The following MRPS25 variants were observed in gnomAD, a reference collection of about 807,000 sequenced individuals.
MRPS25 encodes the protein mitochondrial ribosomal protein S25.
A neutral mutation model predicts 17.3 loss-of-function variants in MRPS25; 15 were observed. The observed-to-expected ratio is 0.87, with a 90% CI of 0.58 to 1.34. MRPS25 has a LOEUF of 1.34. MRPS25 is among the 40% of genes most tolerant of loss of function. MRPS25 has a pLI of 0.00. For synonymous variants in MRPS25, 94 were observed against 83.3 expected (o/e 1.13, Z -0.70); for missense variants, 225 against 218.6 (o/e 1.03, Z -0.19).
chr3:15,052,674 T>C (rs761705685), intron 3 of MRPS25, 41 bp from the exon 4 acceptor site: 2 of 1,597,770 alleles, frequency 1.3e-6, no homozygotes, highest in Admixed American at 1.7e-5. Flanking sequence ...TTGGCAACTT[T>C]GAGTGGCAGG....
downstream of MRPS25, chr3:15,043,829 G>T (rs1425084055): frequency 2.0e-5 from 3 of 152,220 alleles, no homozygotes; most frequent in South Asian, 2.1e-4. Context: ...ATCTGAATTG[G>T]ATTGCAACTA....
rs2042540892 is a variant in MRPS25, at chr3:15,048,666, A to T, written c.*3775T>A. ...AATGACCATAGCATTCATGGACTCAAATGCTGCTGCCACACACAACTCAAG... is the reference window on the plus strand; with the variant it reads ...AATGACCATAGCATTCATGGACTCATATGCTGCTGCCACACACAACTCAAG... On this transcript the variant is annotated 3_prime_UTR_variant, in exon 4 of 4. Transcript: ENST00000253686. The T allele has an allele frequency of 6.6e-6, 1 of 152,650 alleles. No homozygotes were observed. The highest frequency in any genetic ancestry group is 1.5e-5 in the Non-Finnish European group (1 of 68,042). The allele number at this position is 152,650 out of a possible 1,614,324, so 9.5% of individuals were successfully genotyped here.
downstream of MRPS25, chr3:15,046,988 G>A (rs2042477452): frequency 6.6e-6 from 1 of 152,638 alleles, no homozygotes; most frequent in African/African-American, 2.4e-5. Flanking sequence ...CACTTCGTAT[G>A]TCCAGCCCTG....
chr3:15,061,650 G>C (rs953319832), intron 1 of MRPS25, among the ~76,000 whole-genome samples: 16 of 152,290 alleles, frequency 1.1e-4, no homozygotes, highest in African/African-American at 2.6e-4. Context: ...CGTCTGGGAA[G>C]TGAGGAGCGT....
chr3:15,042,888 A>G (rs2042319695), downstream of MRPS25: 1 of 1,614,038 alleles, frequency 6.2e-7, no homozygotes. Context: ...GCTCCAACAT[A>G]ACAGAAGAAC....
At position 15,065,262 on chromosome 3, in the gene MRPS25, G is replaced by A. The variant is rs979449354; in HGVS notation, c.-68C>T. On this transcript the variant is annotated 5_prime_UTR_variant, in exon 1 of 4. Coordinates refer to ENST00000253686, the MANE Select transcript of MRPS25 (RefSeq NM_022497.5). ...AGCAGCGACGAGAAAGGACTAGCTA[G>A]CACCCGCGCGGATCTCACGCGGCTT... 4.8e-5 allele frequency: 71 copies of A among 1,472,956 alleles called. No homozygotes were observed. Among genetic ancestry groups the A allele is most frequent in the Non-Finnish European group, 6.3e-5 (70 of 1,110,432 alleles). The allele number at this position is 1,472,956 out of a possible 1,614,324, so 91.2% of individuals were successfully genotyped here.
chr3:15,051,982 A>AG lies in MRPS25; in HGVS notation c.*458dup. ...AAAATACCCCCAAGGAACTGAACGG[A>AG]GGGGTGTACACACTGCCAACCACAG... On this transcript the variant is annotated 3_prime_UTR_variant, in exon 4 of 4. Coordinates refer to ENST00000253686, the MANE Select transcript of MRPS25 (RefSeq NM_022497.5). 3.0e-6 allele frequency: 3 copies of AG among 988,074 alleles called. No individual in the cohort carries two copies. The highest frequency in any genetic ancestry group is 3.6e-6 in the Non-Finnish European group (3 of 831,904). 61.2% of individuals were successfully genotyped at this position (988,074 alleles called of 1,614,324 possible). A position where few individuals can be genotyped will look rare whatever the true frequency, so the allele number is the denominator to read the frequency against.
Position 15,052,650 on chromosome 3 carries a change from A to G in MRPS25, c.330-17T>C, listed in dbSNP as rs2042620090. 6.2e-7 allele frequency: 1 copy of G among 1,608,678 alleles called. No homozygotes were observed. Among genetic ancestry groups the G allele is most frequent in the Admixed American group, 1.7e-5 (1 of 59,902 alleles). On this transcript the variant is annotated splice_polypyrimidine_tract_variant and intron_variant, in intron 3 of 3. Coordinates refer to ENST00000253686, the MANE Select transcript of MRPS25 (RefSeq NM_022497.5). ...AGGGTTTCCCTGCCAAAGAGCACAGACGGCAACCAAGCATTGGCAACTTTG... is the reference window on the plus strand; with the variant it reads ...AGGGTTTCCCTGCCAAAGAGCACAGGCGGCAACCAAGCATTGGCAACTTTG...
At position 15,052,056 on chromosome 3, in the gene MRPS25, A is replaced by G; in HGVS notation, c.*385T>C. ...CAGCAGCCCTTATGTTCTCCAGAGT[A>G]GAGCCCAGAGGAAGATTCAAAGCCA... On this transcript the variant is annotated 3_prime_UTR_variant, in exon 4 of 4. Coordinates refer to ENST00000253686, the MANE Select transcript of MRPS25 (RefSeq NM_022497.5). 9.9e-7 allele frequency: 1 copy of G among 1,008,936 alleles called. No individual in the cohort carries two copies. Among genetic ancestry groups the G allele is most frequent in the Middle Eastern group, 5.0e-4 (1 of 2,000 alleles). 62.5% of individuals were successfully genotyped at this position (1,008,936 alleles called of 1,614,324 possible).
chr3:15,047,432 A>AT (rs1437600361), downstream of MRPS25: 2 of 152,236 alleles, frequency 1.3e-5, no homozygotes, highest in Admixed American at 6.5e-5. Context: ...CTAAGTGGGA[A>AT]TTTTTAACCT....
intron 2 of MRPS25, among the ~76,000 whole-genome samples, chr3:15,058,425 G>A (rs562940100): frequency 3.2e-4 from 48 of 152,144 alleles, no homozygotes; most frequent in Admixed American, 7.2e-4. Context: ...TCCTGACCTC[G>A]TGATCCACCC....
chr3:15,055,198 G>A (rs140113004), intron 2 of MRPS25, among the ~76,000 whole-genome samples: 12 of 152,154 alleles, frequency 7.9e-5, no homozygotes, highest in African/African-American at 2.7e-4. Context: ...ATGAGAAACC[G>A]CCCCCACGGT....
chr3:15,065,225 G>A lies in MRPS25; in HGVS notation c.-31C>T. On this transcript the variant is annotated 5_prime_UTR_variant, in exon 1 of 4. Transcript: ENST00000253686. ...CAACGGTGGCGGGGCCGACCCCACG[G>A]GCCGCGAGCCGAGCAGCGACGAGAA... The A allele has an allele frequency of 3.2e-6, 5 of 1,557,580 alleles. No homozygotes were observed. Among genetic ancestry groups the A allele is most frequent in the Non-Finnish European group, 4.3e-6 (5 of 1,153,996 alleles).
At chr3:15,044,906 AT>A (rs1460576647), downstream of MRPS25, 1 of 152,210 alleles carries the variant, frequency 6.6e-6, no homozygotes, top group Non-Finnish European at 1.5e-5. Flanking sequence ...CAACTTCTAA[AT>A]TCTTGTTTGG....
intron 1 of MRPS25, 56 bp from the exon 2 acceptor site, chr3:15,059,531 T>C (rs969519590): frequency 6.9e-6 from 8 of 1,163,924 alleles, no homozygotes; most frequent in African/African-American, 1.5e-5. Context: ...TGAAATTTTA[T>C]GCGTGGGTAT....
chr3:15,062,590 G>C (rs1237477419), intron 1 of MRPS25, among the ~76,000 whole-genome samples: 2 of 152,010 alleles, frequency 1.3e-5, no homozygotes, highest in Non-Finnish European at 2.9e-5. Flanking sequence ...CATTGAGAAC[G>C]GGCCATGATG....
chr3:15,061,977 C>A (rs2042771228), intron 1 of MRPS25, among the ~76,000 whole-genome samples: 1 of 148,214 alleles, frequency 6.7e-6, no homozygotes, highest in South Asian at 2.2e-4. Context: ...CCCCTCCGCC[C>A]GGCAGCCGCC....
At chr3:15,061,905 G>A (rs1448297831) in intron 1 of MRPS25, among the ~76,000 whole-genome samples, 5 of 148,356 alleles carry the variant, frequency 3.4e-5, no homozygotes, top group East Asian at 2.1e-4. Flanking sequence ...CCCGGCAGCC[G>A]CCCTGTCTGA....
At position 15,050,333 on chromosome 3, in the gene MRPS25, T is replaced by C; in HGVS notation, c.*2108A>G. On this transcript the variant is annotated 3_prime_UTR_variant, in exon 4 of 4. Transcript: ENST00000253686. Reference sequence around the variant, plus strand: ...CAAGCCTGAACTCAAACCCTAGTTATCTGTCCCATTAGGGACCAGACATTT... The same window carrying C: ...CAAGCCTGAACTCAAACCCTAGTTACCTGTCCCATTAGGGACCAGACATTT... 4.7e-6 allele frequency: 5 copies of C among 1,075,170 alleles called. No homozygotes were observed. The highest frequency in any genetic ancestry group is 5.6e-6 in the Non-Finnish European group (5 of 888,146). 66.6% of individuals were successfully genotyped at this position (1,075,170 alleles called of 1,614,324 possible).
Sources: gnomAD v4.1 joint callset for allele counts (sites outside exome capture counted in the v4.1 genomes callset) on GRCh38, gnomAD v4.1.1 for gene constraint, MANE v1.5 for transcripts, NCBI Gene and HGNC (gene_info 2026-07-23, HGNC 2026-07-21) for gene names.